Variants in DOCK10 observed in about 807,000 individuals in gnomAD.
DOCK10 encodes dedicator of cytokinesis protein 10.
In DOCK10, 145 loss-of-function variants were observed where a neutral mutation model predicts 280.1. That is an observed-to-expected ratio of 0.52 (90% CI 0.45 to 0.59). The LOEUF (loss-of-function observed/expected upper bound fraction) is 0.59. Among genes scored for constraint, DOCK10 ranks in the 20% least tolerant of loss-of-function variants. The pLI is 0.00. For missense variants in DOCK10, 2,368 were observed against 2,651.7 expected, an observed-to-expected ratio of 0.89 and a Z score of 2.35; for synonymous variants, 915 against 942.2, an observed-to-expected ratio of 0.97 and a Z score of 0.53.
intron 1 of DOCK10, among the ~76,000 whole-genome samples, chr2:224,947,218 G>C (rs1703470137): frequency 6.6e-6 from 1 of 152,170 alleles, no homozygotes. Flanking sequence ...AAATGACTTT[G>C]GACGTTTAAG....
intron 30 of DOCK10, among the ~76,000 whole-genome samples, chr2:224,816,079 A>C (rs1337012276): frequency 6.6e-6 from 1 of 151,996 alleles, no homozygotes; most frequent in Admixed American, 6.6e-5. Context: ...ACTGTACCTC[A>C]TAAATAGTTT....
intron 2 of DOCK10, among the ~76,000 whole-genome samples, chr2:224,929,743 A>C (rs1448328631): frequency 2.0e-5 from 3 of 152,208 alleles, no homozygotes; most frequent in Admixed American, 6.5e-5. Flanking sequence ...CTCAATTTAA[A>C]TGAGCATGGG....
At chr2:224,769,586 A>G (rs1690280333) in intron 55 of DOCK10, among the ~76,000 whole-genome samples, 1 of 152,250 alleles carries the variant, frequency 6.6e-6, no homozygotes, top group Non-Finnish European at 1.5e-5. Flanking sequence ...GCTTTCAACC[A>G]GTTGATTTTT....
At chr2:224,811,810 A>G (rs1574862010) in intron 31 of DOCK10, among the ~76,000 whole-genome samples, 1 of 151,130 alleles carries the variant, frequency 6.6e-6, no homozygotes, top group Non-Finnish European at 1.5e-5. Context: ...ATGCGGCATT[A>G]TTTCTGAGGG....
Position 225,042,205 on chromosome 2 carries a change from G to C in DOCK10, c.123+47C>G, listed in dbSNP as rs537747431. 9.8e-6 allele frequency: 12 copies of C among 1,230,574 alleles called. No individual in the cohort carries two copies. Among genetic ancestry groups the C allele is most frequent in the Admixed American group, 4.3e-5 (1 of 23,162 alleles). The allele number at this position is 1,230,574 out of a possible 1,614,324, so 76.2% of individuals were successfully genotyped here. On this transcript the variant is annotated intron_variant, in intron 1 of 55. Coordinates refer to ENST00000258390, the MANE Select transcript of DOCK10 (RefSeq NM_014689.3). The surrounding 1 kb of genome is among the most constrained non-coding windows in gnomAD (Gnocchi z 5.1). ...GGGGAAGCTGGGCTCCGTTCCCCCC[G>C]GGCGCCTGGGGCGCGCGGGAAGGCG...
At chr2:224,892,159 G>T (rs1356169729) in intron 4 of DOCK10, among the ~76,000 whole-genome samples, 1 of 152,034 alleles carries the variant, frequency 6.6e-6, no homozygotes, top group Non-Finnish European at 1.5e-5. Flanking sequence ...CACTTTGGGA[G>T]GCCGAGGCTG....
In DOCK10 at chr2:224,994,368, A is replaced by T. The variant is rs369834664; in HGVS notation, c.123+47884T>A. Among the ~76,000 whole-genome samples, 7 of 152,330 alleles carry T rather than the reference A, an allele frequency of 4.6e-5. No homozygotes were observed. The East Asian group carries it at 1.4e-3, about 29-fold the overall frequency. The stretch of plus-strand genomic sequence containing the variant: ...CCTCAGAAGACTGCTGTGAGAATTA[A>T]GTGAGATAATATGTATAAAAGGTTT... On this transcript the variant is annotated intron_variant, in intron 1 of 55. Transcript: ENST00000258390.
Position 224,953,627 on chromosome 2 carries a change from C to A in DOCK10, c.124-21959G>T, listed in dbSNP as rs1575109035. 2.0e-5 allele frequency among the ~76,000 whole-genome samples: 3 copies of A among 152,266 alleles called. No individual in the cohort carries two copies. In the South Asian group the frequency reaches 6.2e-4, roughly 32 times the overall value. On this transcript the variant is annotated intron_variant, in intron 1 of 55. Transcript: ENST00000258390. ...TCTGGGGGAGTTTAAATGAACACGA[C>A]AAAACCTCGTATTTCTAAACGTACA...
chr2:224,796,827 A>C (rs930647785), intron 43 of DOCK10, 137 bp downstream of exon 43: 3 of 745,174 alleles, frequency 4.0e-6, no homozygotes, highest in African/African-American at 3.5e-5. Context: ...AACAGAACTG[A>C]ATGCTGTGGG....
chr2:224,803,598 T>C (rs1693157310), intron 39 of DOCK10, among the ~76,000 whole-genome samples: 1 of 152,136 alleles, frequency 6.6e-6, no homozygotes, highest in Admixed American at 6.6e-5. Flanking sequence ...ACCAGTCTAA[T>C]GACTAGGAAA....
intron 3 of DOCK10, among the ~76,000 whole-genome samples, chr2:224,912,609 G>A (rs1053337166): frequency 3.3e-5 from 5 of 152,236 alleles, no homozygotes; most frequent in Admixed American, 1.3e-4. Context: ...AGTTTGATGT[G>A]TGCATTCTTT....
At chr2:224,998,360 G>A (rs1244514378) in intron 1 of DOCK10, among the ~76,000 whole-genome samples, 4 of 152,042 alleles carry the variant, frequency 2.6e-5, no homozygotes, top group African/African-American at 7.2e-5. Context: ...AGGAGCATCG[G>A]GGTTTTCTTG....
chr2:224,961,579 T>C (rs1438016548), intron 1 of DOCK10, among the ~76,000 whole-genome samples: 1 of 150,958 alleles, frequency 6.6e-6, no homozygotes, highest in Non-Finnish European at 1.5e-5. Context: ...CGATCTCGGC[T>C]CACTGCAACC....
intron 3 of DOCK10, among the ~76,000 whole-genome samples, chr2:224,908,412 CGTTTGT>C (rs1045043101): frequency 1.3e-5 from 1 of 79,208 alleles, no homozygotes; most frequent in Non-Finnish European, 2.2e-5. Context: ...TAATCATCAT[CGTTTGT>C]GTGTGTGTGT....
At chr2:224,832,367 A>G (rs1695293496) in intron 26 of DOCK10, among the ~76,000 whole-genome samples, 1 of 152,232 alleles carries the variant, frequency 6.6e-6, no homozygotes, top group African/African-American at 2.4e-5. Context: ...TATGGTCACC[A>G]CATGACATAT....
chr2:224,910,080 C>T (rs927420254), intron 3 of DOCK10, among the ~76,000 whole-genome samples: 1 of 152,130 alleles, frequency 6.6e-6, no homozygotes, highest in African/African-American at 2.4e-5. Context: ...AGATTCTTGC[C>T]AATCTGTTGC....
At chr2:224,999,196 A>G (rs545911145) in intron 1 of DOCK10, among the ~76,000 whole-genome samples, 6 of 151,716 alleles carry the variant, frequency 4.0e-5, no homozygotes, top group Admixed American at 6.6e-5. Flanking sequence ...AAAAGATATC[A>G]TTTATAGTAT....
In DOCK10 at chr2:224,920,404, T is replaced by C. The variant is rs78001285; in HGVS notation, c.244-3620A>G. Among the ~76,000 whole-genome samples the C allele has an allele frequency of 8.4e-3, 1,274 of 152,156 alleles. 22 individuals are homozygous for C. The highest frequency in any genetic ancestry group is 0.027 in the African/African-American group (1,109 of 41,528). ...TTTACATTTTTAATTCCTTTAGAGTTCCCTTCTTCAAGTTGCTTATTTTAT... is the reference window on the plus strand; with the variant it reads ...TTTACATTTTTAATTCCTTTAGAGTCCCCTTCTTCAAGTTGCTTATTTTAT... On this transcript the variant is annotated intron_variant, in intron 2 of 55. Coordinates refer to ENST00000258390, the MANE Select transcript of DOCK10 (RefSeq NM_014689.3).
chr2:224,956,410 A>C (rs1704035321), intron 1 of DOCK10, among the ~76,000 whole-genome samples: 1 of 152,006 alleles, frequency 6.6e-6, no homozygotes, highest in South Asian at 2.1e-4. Context: ...GATCATTTGA[A>C]GTCAGGAGTT....
Sources: gnomAD v4.1 joint callset for allele counts (sites outside exome capture counted in the v4.1 genomes callset) on GRCh38, gnomAD v4.1.1 for gene constraint, Gnocchi (gnomAD v3.1) non-coding constraint, MANE v1.5 for transcripts, NCBI Gene and HGNC (gene_info 2026-07-23, HGNC 2026-07-21) for gene names.